The following CRBN variants were observed in gnomAD, a reference collection of about 807,000 sequenced individuals.
CRBN encodes the protein cereblon.
CRBN carries 53 observed loss-of-function variants against 62.2 expected under a neutral mutation model. The ratio of observed to expected loss-of-function variants is 0.85; its 90% CI spans 0.68 to 1.07. The LOEUF is 1.07. Among genes scored for constraint, CRBN ranks in the 50% least tolerant of loss-of-function variants. The pLI, the probability that CRBN is intolerant of heterozygous loss-of-function variation, is 0.00. For missense variants in CRBN, 616 were observed against 531.1 expected (o/e 1.16, Z -1.57); for synonymous variants, 208 against 176.1 (o/e 1.18, Z -1.43).
intron 9 of CRBN, chr3:3,152,794 AT>A: frequency 1.7e-6 from 1 of 596,094 alleles, no homozygotes; most frequent in Non-Finnish European, 3.0e-6. Flanking sequence ...AAATGTCTAA[AT>A]GTTTTCTGTG....
chr3:3,154,458 G>C (rs1706791457), intron 7 of CRBN: 1 of 482,636 alleles, frequency 2.1e-6, no homozygotes, highest in South Asian at 2.2e-5. Context: ...ACAGGGAAAG[G>C]AGTCCTTACA....
At position 3,154,805 on chromosome 3, in the gene CRBN, TTTC is replaced by T; in HGVS notation, c.774_776del (p.Lys259del). 1.9e-6 allele frequency: 3 copies of T among 1,604,182 alleles called. No homozygotes were observed. The highest frequency in any genetic ancestry group is 2.2e-5 in the East Asian group (1 of 44,814). On this transcript the variant is annotated inframe_deletion, in exon 7 of 11. Coordinates refer to ENST00000231948, the MANE Select transcript of CRBN (RefSeq NM_016302.4). ...GATTTTCATCCCATTCACGTAGCTG[TTTC>T]TTGATTCTGTCCATTAAGGTCTCCT...
At chr3:3,154,496 T>C in intron 7 of CRBN, 1 of 524,564 alleles carries the variant, frequency 1.9e-6, no homozygotes, top group Non-Finnish European at 3.4e-6. Context: ...TGACAGCCAC[T>C]TCCTGCAATT....
rs923898945 is a variant in CRBN, at chr3:3,150,384, T to G, written c.*481A>C. The G allele has an allele frequency of 1.3e-5, 2 of 152,694 alleles. No homozygotes were observed. Among genetic ancestry groups the G allele is most frequent in the Non-Finnish European group, 2.9e-5 (2 of 68,814 alleles). 9.5% of individuals were successfully genotyped at this position (152,694 alleles called of 1,614,324 possible). A position where few individuals can be genotyped will look rare whatever the true frequency, so the allele number is the denominator to read the frequency against. ...GCCCTTTTAGAATAATTAATATACA[T>G]TGCCTTGCTTCTTTCCAAAAGGAAC... On this transcript the variant is annotated 3_prime_UTR_variant, in exon 11 of 11. Coordinates refer to ENST00000231948, the MANE Select transcript of CRBN (RefSeq NM_016302.4).
At chr3:3,150,006 A>C (rs1160382187), downstream of CRBN, 1 of 152,176 alleles carries the variant, frequency 6.6e-6, no homozygotes, top group Admixed American at 6.5e-5. Flanking sequence ...TGAACAAAGA[A>C]CATGTTTAGT....
chr3:3,156,276 C>G lies in CRBN; in HGVS notation c.693G>C (p.Lys231Asn). The G allele has an allele frequency of 6.2e-7, 1 of 1,613,902 alleles. No homozygotes were observed. The highest frequency in any genetic ancestry group is 8.5e-7 in the Non-Finnish European group (1 of 1,179,870). ...YKWWQKYQKRKFHCANLTSWP... is the reference protein window; with the variant it reads ...YKWWQKYQKRNFHCANLTSWP... ...ATGAAGTTAGATTTGCACAATGAAA[C>G]TTTCTCTGAAAACAAAACAAAAAGG... Residue 231 changes from lysine (K) to asparagine (N), a missense_variant, in exon 6 of 11, where the codon AAG becomes AAC. Physicochemically the swap from Lys to Asn is moderately conservative, Grantham distance 94. Transcript: ENST00000231948.
intron 5 of CRBN, among the ~76,000 whole-genome samples, chr3:3,162,035 G>A (rs555312062): frequency 3.9e-5 from 6 of 152,276 alleles, no homozygotes; most frequent in African/African-American, 9.6e-5. Flanking sequence ...GGGAGATTAC[G>A]TATGAGACCC....
At chr3:3,174,401 G>C (rs1029066063) in intron 2 of CRBN, 140 bp from the exon 3 acceptor site, 2 of 729,432 alleles carry the variant, frequency 2.7e-6, no homozygotes, top group African/African-American at 3.5e-5. Context: ...AGCACTTTGG[G>C]AGGCCGAGGT....
chr3:3,173,836 T>A (rs1363597591), intron 3 of CRBN: 1 of 562,004 alleles, frequency 1.8e-6, no homozygotes, highest in African/African-American at 1.9e-5. Context: ...ACCAGAAAGT[T>A]AAATTGTGTA....
chr3:3,167,826 T>G, intron 4 of CRBN, 33 bp from the exon 5 acceptor site: 2 of 1,606,246 alleles, frequency 1.2e-6, no homozygotes, highest in South Asian at 1.1e-5. Flanking sequence ...TGGTATTCAT[T>G]TCTAAGATTG....
intron 5 of CRBN, among the ~76,000 whole-genome samples, chr3:3,163,375 G>C (rs1199316783): frequency 6.6e-6 from 1 of 152,196 alleles, no homozygotes; most frequent in Admixed American, 6.5e-5. Context: ...AAAATTCAGA[G>C]GATCTGAACC....
chr3:3,170,571 A>G (rs1189534431), intron 4 of CRBN, among the ~76,000 whole-genome samples: 2 of 152,180 alleles, frequency 1.3e-5, no homozygotes, highest in African/African-American at 4.8e-5. Flanking sequence ...GCATTCTGAT[A>G]CAGAAAAAGA....
At chr3:3,153,213 C>T (rs1392554671) in intron 9 of CRBN, 1 of 515,084 alleles carries the variant, frequency 1.9e-6, no homozygotes, top group East Asian at 3.4e-5. Flanking sequence ...TTACCATGCT[C>T]ATTACCTGTG....
Position 3,174,347 on chromosome 3 carries a change from AAAAG to A in CRBN, c.175-90_175-87del, listed in dbSNP as rs1396433517. 5.6e-5 allele frequency: 62 copies of A among 1,108,050 alleles called. No homozygotes were observed. In the East Asian group the frequency reaches 1.2e-3, roughly 22 times the overall value. The allele number at this position is 1,108,050 out of a possible 1,614,324, so 68.6% of individuals were successfully genotyped here. ...AACAGACTAAAGAGCAAATCACATT[AAAAG>A]AAATACAGGCCGGGCACAGTGGCTC... is the stretch of plus-strand genomic sequence containing the variant. On this transcript the variant is annotated intron_variant, in intron 2 of 10. Transcript: ENST00000231948.
chr3:3,156,306 TAAA>T lies in CRBN; in HGVS notation c.688-28_688-26del, dbSNP rs374479360. ...TCTGAAAACAAAACAAAAAGGCACT[TAAA>T]AAACCCCACAGAATAAAGATTCTAA... On this transcript the variant is annotated intron_variant, in intron 5 of 10. Transcript: ENST00000231948. 1.9e-6 allele frequency: 3 copies of T among 1,600,252 alleles called. No individual in the cohort carries two copies. In the East Asian group the frequency reaches 6.7e-5, roughly 36 times the overall value.
At chr3:3,158,216 C>A (rs1245217844) in intron 5 of CRBN, among the ~76,000 whole-genome samples, 1 of 152,184 alleles carries the variant, frequency 6.6e-6, no homozygotes, top group African/African-American at 2.4e-5. Context: ...AGATCCCTCC[C>A]ATGCGCAGTT....
At chr3:3,153,868 C>T (rs1706750533) in intron 8 of CRBN, 92 bp downstream of exon 8, 1 of 783,488 alleles carries the variant, frequency 1.3e-6, no homozygotes, top group Admixed American at 1.9e-5. Flanking sequence ...CATTACTGGA[C>T]TCTATACAGA....
At chr3:3,155,075 TC>T in intron 6 of CRBN, 2 of 532,142 alleles carry the variant, frequency 3.8e-6, no homozygotes, top group South Asian at 4.2e-5. Flanking sequence ...TGCTCCCAAC[TC>T]CCTTGCAGAT....
chr3:3,164,483 T>C (rs1183843922), intron 5 of CRBN, among the ~76,000 whole-genome samples: 1 of 152,206 alleles, frequency 6.6e-6, no homozygotes, highest in African/African-American at 2.4e-5. Context: ...CAGGGGCTAA[T>C]AGCTGGTGAC....
Sources: gnomAD v4.1 joint callset for allele counts (sites outside exome capture counted in the v4.1 genomes callset) on GRCh38, gnomAD v4.1.1 for gene constraint, MANE v1.5 for transcripts, NCBI Gene and HGNC (gene_info 2026-07-23, HGNC 2026-07-21) for gene names.